The following YAE1 variants were observed in gnomAD, a reference collection of about 807,000 sequenced individuals.
The protein encoded by YAE1 is YAE1 maturation factor of ABCE1.
In YAE1, 22 loss-of-function variants were observed where a neutral mutation model predicts 23.0. That is an observed-to-expected ratio of 0.96 (90% CI 0.68 to 1.37). The LOEUF is 1.37. Among genes scored for constraint, YAE1 ranks in the 40% most tolerant of loss-of-function variants. The pLI is 0.00. For missense variants in YAE1, 260 were observed against 262.1 expected (o/e 0.99, Z 0.06); for synonymous variants, 101 against 97.0 (o/e 1.04, Z -0.24).
At chr7:39,584,097 G>C (rs1220791461) in intron 2 of YAE1, among the ~76,000 whole-genome samples, 1 of 152,032 alleles carries the variant, frequency 6.6e-6, no homozygotes, top group African/African-American at 2.4e-5. Context: ...GCTTCCCTCT[G>C]GCAGAACTAA....
chr7:39,591,084 T>C (rs1305841608), intron 2 of YAE1, among the ~76,000 whole-genome samples: 1 of 152,214 alleles, frequency 6.6e-6, no homozygotes, highest in Non-Finnish European at 1.5e-5. Context: ...GCTGCCTTCT[T>C]GTGTCTTCAC....
At chr7:39,577,377 G>C (rs749573275), downstream of YAE1, among the ~76,000 whole-genome samples, 1 of 152,224 alleles carries the variant, frequency 6.6e-6, no homozygotes, top group African/African-American at 2.4e-5. Flanking sequence ...CTGCTGCGCT[G>C]TGGGAGCCCC....
At chr7:39,596,911 A>G (rs550826248) in intron 2 of YAE1, among the ~76,000 whole-genome samples, 30 of 152,380 alleles carry the variant, frequency 2.0e-4, no homozygotes, top group Non-Finnish European at 3.1e-4. Flanking sequence ...CATGTCCACA[A>G]AAATTTCAAG....
At chr7:39,588,534 A>G (rs1282190609) in intron 2 of YAE1, among the ~76,000 whole-genome samples, 1 of 151,844 alleles carries the variant, frequency 6.6e-6, no homozygotes, top group Non-Finnish European at 1.5e-5. Flanking sequence ...ACAAGAAGGA[A>G]AAAATGGGAG....
intron 1 of YAE1, chr7:39,569,331 G>A: frequency 3.0e-6 from 1 of 328,898 alleles, no homozygotes; most frequent in South Asian, 3.3e-5. Context: ...GAAATAATCA[G>A]TCTTCTGTTT....
At chr7:39,600,219 ATG>A in intron 2 of YAE1, among the ~76,000 whole-genome samples, 1 of 152,250 alleles carries the variant, frequency 6.6e-6, no homozygotes. Context: ...TATAAGTGTT[ATG>A]GTTGAATTGT....
chr7:39,581,633 A>G (rs1417014697), intron 2 of YAE1, among the ~76,000 whole-genome samples: 1 of 152,092 alleles, frequency 6.6e-6, no homozygotes, highest in Non-Finnish European at 1.5e-5. Context: ...GCACTTTGGG[A>G]AGCTGAGACA....
chr7:39,608,317 T>C (rs1359894806), intron 2 of YAE1, among the ~76,000 whole-genome samples: 1 of 152,150 alleles, frequency 6.6e-6, no homozygotes, highest in Non-Finnish European at 1.5e-5. Flanking sequence ...ATTGGGACAA[T>C]ACACATGGCA....
chr7:39,571,567 C>T (rs1790566734), intron 2 of YAE1, among the ~76,000 whole-genome samples: 1 of 152,148 alleles, frequency 6.6e-6, no homozygotes, highest in African/African-American at 2.4e-5. Flanking sequence ...AGTAGGAAAA[C>T]AATGTGAATA....
intron 2 of YAE1, among the ~76,000 whole-genome samples, chr7:39,596,277 CT>C (rs2115832088): frequency 6.6e-6 from 1 of 152,236 alleles, no homozygotes; most frequent in African/African-American, 2.4e-5. Flanking sequence ...TCACTGCAAC[CT>C]CCGCCTACCA....
chr7:39,575,581 A>AGAGAGAGAGAGT (rs1649632726), downstream of YAE1, among the ~76,000 whole-genome samples: 2 of 105,438 alleles, frequency 1.9e-5, no homozygotes, highest in African/African-American at 1.1e-4. Context: ...AGAGAGAGTG[A>AGAGAGAGAGAGT]GTGTGTGTGT....
At chr7:39,589,637 A>G (rs912962628) in intron 2 of YAE1, among the ~76,000 whole-genome samples, 5 of 152,228 alleles carry the variant, frequency 3.3e-5, no homozygotes, top group Non-Finnish European at 7.3e-5. Flanking sequence ...TAATAGAAAG[A>G]TAATCCATTA....
chr7:39,592,079 C>A (rs570182779), intron 2 of YAE1, among the ~76,000 whole-genome samples: 7 of 152,212 alleles, frequency 4.6e-5, no homozygotes, highest in Non-Finnish European at 8.8e-5. Context: ...TATCCATTCA[C>A]CTACTAAAGG....
intron 2 of YAE1, among the ~76,000 whole-genome samples, chr7:39,608,100 C>CA (rs1205169216): frequency 3.9e-5 from 6 of 152,150 alleles, no homozygotes; most frequent in Non-Finnish European, 8.8e-5. Flanking sequence ...TTATTTCTGT[C>CA]AAAAAAATTA....
At chr7:39,580,935 C>G (rs567835354) in intron 2 of YAE1, among the ~76,000 whole-genome samples, 1 of 152,266 alleles carries the variant, frequency 6.6e-6, no homozygotes, top group South Asian at 2.1e-4. Flanking sequence ...CCAAAGCATG[C>G]AGCCTTCAAT....
At chr7:39,609,843 C>T in exon 3 of YAE1, 1 of 1,533,232 alleles carries the variant, frequency 6.5e-7, no homozygotes, top group South Asian at 1.2e-5. Flanking sequence ...CCCTGGGACG[C>T]CGAGCCACCG....
intron 1 of YAE1, chr7:39,569,799 C>G (rs921415016): frequency 2.7e-6 from 2 of 752,090 alleles, no homozygotes; most frequent in Non-Finnish European, 4.8e-6. Context: ...GGGTTCAATA[C>G]TCTTCCACTC....
chr7:39,587,922 A>G (rs1332772462), intron 2 of YAE1, among the ~76,000 whole-genome samples: 3 of 152,182 alleles, frequency 2.0e-5, no homozygotes, highest in African/African-American at 7.2e-5. Flanking sequence ...TTTTGTATAT[A>G]TCCTTACTAC....
At chr7:39,599,576 T>C (rs1481885385) in intron 2 of YAE1, among the ~76,000 whole-genome samples, 1 of 152,110 alleles carries the variant, frequency 6.6e-6, no homozygotes, top group Non-Finnish European at 1.5e-5. Flanking sequence ...GTTGCTCTTA[T>C]ATTAAGTTAG....
Sources: allele counts gnomAD v4.1 joint callset (sites outside exome capture counted in the v4.1 genomes callset), GRCh38; gene constraint gnomAD v4.1.1; transcripts MANE v1.5; gene names NCBI Gene and HGNC (gene_info 2026-07-23, HGNC 2026-07-21).